GALNT17: variants seen among roughly 807,000 people sequenced by gnomAD.
GALNT17 encodes the protein UDP-GalNAc:polypeptide N-acetylgalactosaminyltransferase-like 3.
GALNT17 carries 29 observed loss-of-function variants against 63.7 expected under a neutral mutation model. That is an observed-to-expected ratio of 0.46 (90% CI 0.34 to 0.62). The LOEUF (loss-of-function observed/expected upper bound fraction) is 0.62, where lower values mean the gene tolerates loss of function less well. GALNT17 is among the 20% of genes least tolerant of loss of function. The pLI, the probability that GALNT17 is intolerant of heterozygous loss-of-function variation, is 0.01. For missense variants in GALNT17, 603 were observed against 799.6 expected, an observed-to-expected ratio of 0.75 and a Z score of 2.97; for synonymous variants, 305 against 318.3, an observed-to-expected ratio of 0.96 and a Z score of 0.45.
At chr7:71,270,940 G>GAAA (rs3839728) in intron 1 of GALNT17, among the ~76,000 whole-genome samples, 1 of 143,406 alleles carries the variant, frequency 7.0e-6, no homozygotes. Context: ...TTTAATCAGA[G>GAAA]AAAAAAAAAA....
At chr7:71,592,552 AG>A (rs1562703283) in intron 6 of GALNT17, among the ~76,000 whole-genome samples, 38 of 134,586 alleles carry the variant, frequency 2.8e-4, no homozygotes, top group South Asian at 4.8e-4. Flanking sequence ...AAAATAGCAT[AG>A]CATAGCATAC....
At chr7:71,223,935 A>G (rs1480200889) in intron 1 of GALNT17, among the ~76,000 whole-genome samples, 1 of 152,180 alleles carries the variant, frequency 6.6e-6, no homozygotes, top group Non-Finnish European at 1.5e-5. Flanking sequence ...TGGTATATAT[A>G]TACCACATTT....
chr7:71,711,078 C>A, intron 10 of GALNT17, 150 bp downstream of exon 10: 4 of 1,033,766 alleles, frequency 3.9e-6, no homozygotes, highest in African/African-American at 1.6e-5. Flanking sequence ...GGACCCAAAG[C>A]ACTTCCTGGG....
chr7:71,260,745 C>G (rs938545978), intron 1 of GALNT17, among the ~76,000 whole-genome samples: 2 of 151,984 alleles, frequency 1.3e-5, no homozygotes, highest in Admixed American at 6.6e-5. Flanking sequence ...CAGGTACATG[C>G]CAACACATCC....
At chr7:71,239,686 T>C (rs59454852) in intron 1 of GALNT17, among the ~76,000 whole-genome samples, 7,720 of 152,186 alleles carry the variant, frequency 0.051, 645 homozygotes, top group African/African-American at 0.17. Context: ...ACGGCACAGC[T>C]GAGCAGAGCT....
rs371372359 is a variant in GALNT17, at chr7:71,572,504, T to TA, written c.1080+1128dup. On this transcript the variant is annotated intron_variant, in intron 6 of 10. Transcript: ENST00000333538. ...GCAACAGAGCAAGACCCTGTCTCAT[T>TA]AAAAAAAAAAAAAAAAAAAAAAAAA... 7.3e-3 allele frequency among the ~76,000 whole-genome samples: 325 copies of TA among 44,488 alleles called. 68 individuals carry two copies. The highest frequency in any genetic ancestry group is 0.025 in the African/African-American group (240 of 9,598). 29.2% of individuals were successfully genotyped at this position (44,488 alleles called of 152,430 possible).
At chr7:71,234,046 C>A (rs1789841505) in intron 1 of GALNT17, among the ~76,000 whole-genome samples, 1 of 152,130 alleles carries the variant, frequency 6.6e-6, no homozygotes, top group Non-Finnish European at 1.5e-5. Flanking sequence ...ATCCAGTCAC[C>A]TCCCACCAGG....
rs1788725145 is a variant in GALNT17, at chr7:71,531,788, G to A, written c.963-39497G>A. 3.3e-5 allele frequency among the ~76,000 whole-genome samples: 5 copies of A among 152,184 alleles called. No homozygotes were observed. In the South Asian group the frequency reaches 1.0e-3, roughly 31 times the overall value. On this transcript the variant is annotated intron_variant, in intron 5 of 10. Transcript: ENST00000333538. ...TTCTTAAAGATAGTAGATCAGCGGG[G>A]TCCGGTCAGGAAGACAGAAGCCAAG... is the stretch of plus-strand genomic sequence containing the variant.
intron 3 of GALNT17, among the ~76,000 whole-genome samples, chr7:71,397,941 T>TTTGTTGTTGTTG (rs111851668): frequency 1.3e-4 from 19 of 150,690 alleles, no homozygotes; most frequent in South Asian, 1.1e-3. Context: ...CATTATTGTC[T>TTTGTTGTTGTTG]TTGTTGTTGT....
chr7:71,161,428 C>T (rs1306337723), intron 1 of GALNT17, among the ~76,000 whole-genome samples: 1 of 152,092 alleles, frequency 6.6e-6, no homozygotes, highest in Admixed American at 6.6e-5. Context: ...TGTTGATTTG[C>T]ATACATTTTT....
intron 1 of GALNT17, among the ~76,000 whole-genome samples, chr7:71,177,462 T>C (rs1788660570): frequency 6.6e-6 from 1 of 152,210 alleles, no homozygotes; most frequent in Non-Finnish European, 1.5e-5. Flanking sequence ...TCTGATTCCT[T>C]GTAGCTTGTA....
intron 1 of GALNT17, among the ~76,000 whole-genome samples, chr7:71,228,881 C>T (rs577389632): frequency 6.6e-6 from 1 of 152,222 alleles, no homozygotes; most frequent in African/African-American, 2.4e-5. Context: ...GACTTGCTAT[C>T]TTTGGGTGGC....
At chr7:71,183,109 A>G (rs140631787) in intron 1 of GALNT17, among the ~76,000 whole-genome samples, 121 of 152,198 alleles carry the variant, frequency 8.0e-4, no homozygotes, top group South Asian at 4.3e-3. Flanking sequence ...GGCTTTTTCA[A>G]TGGAGCATCA....
intron 5 of GALNT17, among the ~76,000 whole-genome samples, chr7:71,458,082 G>A (rs1481982401): frequency 2.0e-5 from 3 of 152,076 alleles, no homozygotes. Context: ...ACAGCCACAA[G>A]CAGAGATCTG....
Position 71,665,612 on chromosome 7 carries a change from C to T in GALNT17, c.1266+16C>T, listed in dbSNP as rs1562727975. 1.9e-6 allele frequency: 3 copies of T among 1,610,412 alleles called. No individual in the cohort carries two copies. The highest frequency in any genetic ancestry group is 2.2e-5 in the South Asian group (2 of 90,410). On this transcript the variant is annotated intron_variant, in intron 7 of 10. Coordinates refer to ENST00000333538, the MANE Select transcript of GALNT17 (RefSeq NM_022479.3). ...GCCGCTGGAGGTAGGGATCACCAGC[C>T]TTTCCCCACCACCCCAGTACAGTGA...
chr7:71,515,682 C>T (rs1015882531), intron 5 of GALNT17, among the ~76,000 whole-genome samples: 1 of 152,144 alleles, frequency 6.6e-6, no homozygotes, highest in Non-Finnish European at 1.5e-5. Flanking sequence ...CTTCCTCATT[C>T]AGATAATTGA....
In GALNT17 at chr7:71,618,431, A is replaced by G. The variant is rs192278750; in HGVS notation, c.1081-46980A>G. ...GCTGAACTAATTTACATTCCTTCCA[A>G]CAGTGTGTAAGCATTCCCTTTTCTC... On this transcript the variant is annotated intron_variant, in intron 6 of 10. Coordinates refer to ENST00000333538, the MANE Select transcript of GALNT17 (RefSeq NM_022479.3). 1.5e-3 allele frequency among the ~76,000 whole-genome samples: 226 copies of G among 152,270 alleles called. No homozygotes were observed. In the Middle Eastern group the frequency reaches 0.017, roughly 11 times the overall value.
intron 1 of GALNT17, among the ~76,000 whole-genome samples, chr7:71,276,028 G>A (rs1790675523): frequency 6.6e-6 from 1 of 152,190 alleles, no homozygotes; most frequent in Non-Finnish European, 1.5e-5. Context: ...ACTTAATTTT[G>A]TGATTTGTTG....
At chr7:71,375,032 G>A (rs1792695535) in intron 2 of GALNT17, among the ~76,000 whole-genome samples, 1 of 151,944 alleles carries the variant, frequency 6.6e-6, no homozygotes, top group Admixed American at 6.6e-5. Flanking sequence ...TAGAGACGGG[G>A]TTTCACCATG....
Sources: allele counts gnomAD v4.1 joint callset (sites outside exome capture counted in the v4.1 genomes callset), GRCh38; gene constraint gnomAD v4.1.1; transcripts MANE v1.5; gene names NCBI Gene and HGNC (gene_info 2026-07-23, HGNC 2026-07-21).